The following QRICH1 variants were observed in gnomAD, a reference collection of about 807,000 sequenced individuals.
The protein encoded by QRICH1 is transcriptional regulator QRICH1.
In QRICH1, 16 loss-of-function variants were observed where a neutral mutation model predicts 87.1. The observed-to-expected ratio is 0.18, with a 90% CI of 0.12 to 0.28. The LOEUF (loss-of-function observed/expected upper bound fraction) is 0.28, where lower values mean the gene tolerates loss of function less well. Ranked by LOEUF, QRICH1 falls within the 10% of genes least tolerant of loss-of-function variation. The pLI is 1.00. For synonymous variants in QRICH1, 367 were observed against 368.4 expected (o/e 1.00, Z 0.05); for missense variants, 647 against 951.7 (o/e 0.68, Z 4.21).
chr3:49,068,669 C>T (rs1402183594), intron 2 of QRICH1, among the ~76,000 whole-genome samples: 1 of 151,116 alleles, frequency 6.6e-6, no homozygotes, highest in African/African-American at 2.4e-5. Context: ...TGCTCTATTG[C>T]CCAGGCTAGA....
rs57557768 is a variant in QRICH1 at position 49,061,134 on chromosome 3, T to TAA, written c.310-3246_310-3245dup. ...TGGGTGACAGAGTGAGCCTCCATCT[T>TAA]AAAAAAAAAAAAAAAAAAAAAAAAA... On this transcript the variant is annotated intron_variant, in intron 2 of 9. Coordinates refer to ENST00000395443, the MANE Select transcript of QRICH1 (RefSeq NM_198880.3). 7.2e-3 allele frequency among the ~76,000 whole-genome samples: 286 copies of TAA among 39,736 alleles called. 8 individuals carry two copies. Among genetic ancestry groups the TAA allele is most frequent in the East Asian group, 0.014 (11 of 810 alleles). 26.1% of individuals were successfully genotyped at this position (39,736 alleles called of 152,430 possible).
At chr3:49,068,108 T>C (rs138096066) in intron 2 of QRICH1, among the ~76,000 whole-genome samples, 30 of 152,316 alleles carry the variant, frequency 2.0e-4, no homozygotes, top group African/African-American at 6.3e-4. Flanking sequence ...CCTGTAATCC[T>C]AAATCAGGAG....
chr3:49,068,185 T>C (rs1227234739), intron 2 of QRICH1, among the ~76,000 whole-genome samples: 1 of 151,572 alleles, frequency 6.6e-6, no homozygotes, highest in Non-Finnish European at 1.5e-5. Context: ...GCAACACCCC[T>C]CTCTCCACAA....
rs527597101 is a variant in QRICH1 at position 49,050,248 on chromosome 3, CAAAAAAAAAAAAAA to C, written c.1339-3016_1339-3003del. On this transcript the variant is annotated intron_variant, in intron 3 of 9. Transcript: ENST00000395443. ...TGGGCTAAAGAGCGGGACTCCGTCT[CAAAAAAAAAAAAAA>C]AAAAAAAAAAATTAGCCGGGTGTGG... Among the ~76,000 whole-genome samples, 14 of 52,414 alleles carry C rather than the reference CAAAAAAAAAAAAAA, an allele frequency of 2.7e-4. 1 individual carries two copies. Among genetic ancestry groups the C allele is most frequent in the Non-Finnish European group, 6.7e-5 (2 of 30,030 alleles). 34.4% of individuals were successfully genotyped at this position (52,414 alleles called of 152,430 possible). A position where few individuals can be genotyped will look rare whatever the true frequency, so the allele number is the denominator to read the frequency against.
chr3:49,032,974 A>G, intron 7 of QRICH1, 146 bp downstream of exon 7: 1 of 911,894 alleles, frequency 1.1e-6, no homozygotes, highest in Non-Finnish European at 1.6e-6. Flanking sequence ...CTCACTGGTT[A>G]CCAAATAAAA....
Position 49,046,456 on chromosome 3 carries a change from A to T in QRICH1, c.1640T>A (p.Val547Glu), listed in dbSNP as rs1408844716. The T allele has an allele frequency of 3.1e-6, 5 of 1,614,024 alleles. No homozygotes were observed. Among genetic ancestry groups the T allele is most frequent in the Non-Finnish European group, 4.2e-6 (5 of 1,180,004 alleles). Residue 547 changes from valine (V) to glutamate (E), a missense_variant, in exon 5 of 10, where the codon GTG becomes GAG. Transcript: ENST00000395443. ...AATACACAGGAAAATATAGTAGAGCACATCTGGGTCATAGGGTTCACCTTC... is the reference window on the plus strand; with the variant it reads ...AATACACAGGAAAATATAGTAGAGCTCATCTGGGTCATAGGGTTCACCTTC... ...NGEGEPYDPD[V>E]LYYIFLCIQK...
At chr3:49,033,291 TG>T in intron 6 of QRICH1, 63 bp from the exon 7 acceptor site, 1 of 1,037,738 alleles carries the variant, frequency 9.6e-7, no homozygotes, top group East Asian at 2.9e-5. Flanking sequence ...AGGTACAATA[TG>T]GGATGTGTGA....
intron 2 of QRICH1, among the ~76,000 whole-genome samples, chr3:49,069,764 G>C (rs1344968537): frequency 6.6e-6 from 1 of 151,892 alleles, no homozygotes; most frequent in Non-Finnish European, 1.5e-5. Flanking sequence ...ACAGGTATGA[G>C]CCACTGCACC....
At chr3:49,081,354 T>C (rs1172446919) in intron 1 of QRICH1, among the ~76,000 whole-genome samples, 10 of 150,572 alleles carry the variant, frequency 6.6e-5, no homozygotes, top group African/African-American at 2.5e-4. Context: ...GAGATGGAGG[T>C]TGTAGTGAGC....
chr3:49,059,611 G>A (rs1364854205), intron 2 of QRICH1, among the ~76,000 whole-genome samples: 1 of 149,590 alleles, frequency 6.7e-6, no homozygotes, highest in Non-Finnish European at 1.5e-5. Flanking sequence ...GTAGAGACGA[G>A]GTTTCACCAT....
chr3:49,083,171 A>ACCACTGCC (rs534971497), intron 1 of QRICH1: 1 of 123,502 alleles, frequency 8.1e-6, no homozygotes, highest in Admixed American at 1.0e-4. Flanking sequence ...GCACCATTGC[A>ACCACTGCC]CTCCAGCCTG....
chr3:49,057,598 GCCA>G lies in QRICH1; in HGVS notation c.599_601del (p.Val200del), dbSNP rs2093410283. The G allele has an allele frequency of 6.2e-7, 1 of 1,613,996 alleles. No homozygotes were observed. On this transcript the variant is annotated inframe_deletion, in exon 3 of 10. Coordinates refer to ENST00000395443, the MANE Select transcript of QRICH1 (RefSeq NM_198880.3). The surrounding 1 kb of genome is among the most constrained non-coding windows in gnomAD (Gnocchi z 5.4). ...CTGACCACCAGCAAGAGACTGGCCAGCCACCAGCTGAGCCTGGATTTGCTGATG... is the reference window on the plus strand; with the variant it reads ...CTGACCACCAGCAAGAGACTGGCCAGCCAGCTGAGCCTGGATTTGCTGATG...
At chr3:49,050,602 G>A (rs2093364926) in intron 3 of QRICH1, among the ~76,000 whole-genome samples, 1 of 151,890 alleles carries the variant, frequency 6.6e-6, no homozygotes, top group Non-Finnish European at 1.5e-5. Flanking sequence ...ACAGTCCAGG[G>A]CAAAGAGCTG....
At chr3:49,083,010 C>T (rs2042093353) in intron 1 of QRICH1, among the ~76,000 whole-genome samples, 1 of 151,618 alleles carries the variant, frequency 6.6e-6, no homozygotes, top group African/African-American at 2.4e-5. Flanking sequence ...AGTTCGAGAC[C>T]AGCCTGACTA....
At chr3:49,051,037 C>T (rs2093367408) in intron 3 of QRICH1, among the ~76,000 whole-genome samples, 1 of 152,210 alleles carries the variant, frequency 6.6e-6, no homozygotes, top group Non-Finnish European at 1.5e-5. Flanking sequence ...TGGGCCCAGA[C>T]ATTCTTGCCC....
At chr3:49,079,434 TATA>T (rs754611656) in intron 1 of QRICH1, among the ~76,000 whole-genome samples, 77 of 147,822 alleles carry the variant, frequency 5.2e-4, no homozygotes, top group East Asian at 2.9e-3. Flanking sequence ...AATAAAATAT[TATA>T]ATAATTACAA....
intron 2 of QRICH1, among the ~76,000 whole-genome samples, chr3:49,061,134 TAAAAAAAAAA>T (rs57557768): frequency 1.0e-4 from 4 of 39,742 alleles, no homozygotes; most frequent in Middle Eastern, 0.019. Flanking sequence ...GCCTCCATCT[TAAAAAAAAAA>T]AAAAAAAAAA....
At chr3:49,065,341 T>C (rs945206275) in intron 2 of QRICH1, among the ~76,000 whole-genome samples, 11 of 152,124 alleles carry the variant, frequency 7.2e-5, no homozygotes, top group African/African-American at 2.7e-4. Context: ...GACAGGTTTT[T>C]GCCATGTTGG....
At chr3:49,093,842 T>A in intron 1 of QRICH1, 70 bp downstream of exon 1, 4 of 138,584 alleles carry the variant, frequency 2.9e-5, no homozygotes, top group East Asian at 2.3e-4. Flanking sequence ...CCGCCCGCCG[T>A]TGTGTGGGGT....
Sources: allele counts gnomAD v4.1 joint callset (sites outside exome capture counted in the v4.1 genomes callset), GRCh38; gene constraint gnomAD v4.1.1; non-coding constraint Gnocchi (gnomAD v3.1); transcripts MANE v1.5; gene names NCBI Gene and HGNC (gene_info 2026-07-23, HGNC 2026-07-21).